CDYL2: variants seen among roughly 807,000 people sequenced by gnomAD.
The protein encoded by CDYL2 is chromodomain Y like 2, also known as chromodomain Y-like protein 2.
CDYL2 carries 23 observed loss-of-function variants against 49.4 expected under a neutral mutation model. The ratio of observed to expected loss-of-function variants is 0.47; its 90% CI spans 0.34 to 0.66. The LOEUF is 0.66. Ranked by LOEUF, CDYL2 falls within the 30% of genes least tolerant of loss-of-function variation. The pLI is 0.01. For missense variants in CDYL2, 678 were observed against 656.4 expected (o/e 1.03, Z -0.36); for synonymous variants, 360 against 268.8 (o/e 1.34, Z -3.32).
At chr16:80,679,537 A>T (rs951659002) in intron 2 of CDYL2, among the ~76,000 whole-genome samples, 4 of 152,210 alleles carry the variant, frequency 2.6e-5, no homozygotes, top group African/African-American at 4.8e-5. Context: ...AAATGGGTAG[A>T]AAAACTACCT....
intron 2 of CDYL2, among the ~76,000 whole-genome samples, chr16:80,659,194 G>A (rs538078430): frequency 3.1e-4 from 47 of 152,202 alleles, no homozygotes; most frequent in Non-Finnish European, 3.1e-4. Context: ...ATCTAACCTT[G>A]AAGAAACATT....
intron 1 of CDYL2, among the ~76,000 whole-genome samples, chr16:80,714,865 T>A (rs1007433478): frequency 2.0e-5 from 3 of 152,182 alleles, no homozygotes; most frequent in Admixed American, 6.5e-5. Flanking sequence ...GGTGAGCATT[T>A]ACAAAGCTCC....
chr16:80,687,104 T>C (rs1206100252), intron 1 of CDYL2, among the ~76,000 whole-genome samples: 2 of 152,174 alleles, frequency 1.3e-5, no homozygotes, highest in Non-Finnish European at 1.5e-5. Context: ...GTGAACATTG[T>C]AGGGAGAAAC....
At chr16:80,664,444 T>A (rs1909176513) in intron 2 of CDYL2, among the ~76,000 whole-genome samples, 2 of 152,196 alleles carry the variant, frequency 1.3e-5, no homozygotes, top group African/African-American at 4.8e-5. Context: ...TGAGTTCGCA[T>A]GCTCAGCTTT....
chr16:80,627,066 A>G (rs990784996), intron 3 of CDYL2, among the ~76,000 whole-genome samples: 38 of 152,106 alleles, frequency 2.5e-4, no homozygotes, highest in Non-Finnish European at 4.9e-4. Context: ...ATTTTGGTGG[A>G]AAAAACAGGG....
intron 2 of CDYL2, among the ~76,000 whole-genome samples, chr16:80,670,585 G>A (rs1348252586): frequency 6.6e-6 from 1 of 152,136 alleles, no homozygotes; most frequent in African/African-American, 2.4e-5. Context: ...CTGACATGGA[G>A]AAGGGAGCGC....
chr16:80,715,478 A>C (rs1038886707), intron 1 of CDYL2, among the ~76,000 whole-genome samples: 14 of 152,186 alleles, frequency 9.2e-5, no homozygotes, highest in African/African-American at 2.9e-4. Context: ...TGTCTTTGCA[A>C]GACATTTACA....
rs2142348684 is a variant in CDYL2, at chr16:80,600,488, T to C, written c.*3900A>G. ...CCCCAAATGGTTTCCCTTAAATATC[T>C]ACAAAGGCAAAGTGTAGATGTTTAA... On this transcript the variant is annotated 3_prime_UTR_variant, in exon 7 of 7. Coordinates refer to ENST00000570137, the MANE Select transcript of CDYL2 (RefSeq NM_152342.4). The C allele has an allele frequency of 6.6e-6, 1 of 152,292 alleles. No homozygotes were observed. Among genetic ancestry groups the C allele is most frequent in the East Asian group, 1.9e-4 (1 of 5,190 alleles). 9.4% of individuals were successfully genotyped at this position (152,292 alleles called of 1,614,324 possible). A position where few individuals can be genotyped will look rare whatever the true frequency, so the allele number is the denominator to read the frequency against.
intron 2 of CDYL2, among the ~76,000 whole-genome samples, chr16:80,634,748 T>C (rs1324704002): frequency 6.6e-6 from 1 of 152,040 alleles, no homozygotes; most frequent in Non-Finnish European, 1.5e-5. Context: ...AGACACAAAC[T>C]TCCAAAATAT....
At chr16:80,721,682 G>T (rs1310663483) in intron 1 of CDYL2, among the ~76,000 whole-genome samples, 1 of 152,150 alleles carries the variant, frequency 6.6e-6, no homozygotes, top group East Asian at 1.9e-4. Flanking sequence ...TCTGTAATCA[G>T]GATTGAAATC....
intron 1 of CDYL2, among the ~76,000 whole-genome samples, chr16:80,709,121 C>T (rs1190933218): frequency 1.3e-5 from 2 of 152,184 alleles, no homozygotes; most frequent in African/African-American, 4.8e-5. Context: ...TGGTGGCTCA[C>T]GCCTATAATC....
At chr16:80,674,999 C>G (rs758690516) in intron 2 of CDYL2, among the ~76,000 whole-genome samples, 1 of 152,130 alleles carries the variant, frequency 6.6e-6, no homozygotes, top group Non-Finnish European at 1.5e-5. Context: ...TGTGTATGTA[C>G]ATGCATACAT....
Position 80,626,275 on chromosome 16 carries a change from TAAAAAAAAAA to T in CDYL2, c.835-5350_835-5341del, listed in dbSNP as rs11358031. ...CTCGGTGACAGAATGAAATCCCATC[TAAAAAAAAAA>T]AAAAAAAAAAAGGAAAAAATTGGTG... On this transcript the variant is annotated intron_variant, in intron 3 of 6. Coordinates refer to ENST00000570137, the MANE Select transcript of CDYL2 (RefSeq NM_152342.4). Among the ~76,000 whole-genome samples the T allele has an allele frequency of 1.6e-4, 15 of 92,294 alleles. 1 individual carries two copies. The highest frequency in any genetic ancestry group is 6.0e-4 in the African/African-American group (15 of 25,054). The allele number at this position is 92,294 out of a possible 152,430, so 60.5% of individuals were successfully genotyped here.
intron 2 of CDYL2, among the ~76,000 whole-genome samples, chr16:80,648,728 A>T (rs1908458860): frequency 6.6e-6 from 1 of 152,096 alleles, no homozygotes; most frequent in African/African-American, 2.4e-5. Flanking sequence ...AGCATCTCTC[A>T]CGAGCACTGA....
At chr16:80,621,763 T>C (rs1470760923) in intron 3 of CDYL2, among the ~76,000 whole-genome samples, 1 of 152,170 alleles carries the variant, frequency 6.6e-6, no homozygotes, top group Non-Finnish European at 1.5e-5. Flanking sequence ...ATGGGACAAG[T>C]TCCCCTAATC....
chr16:80,659,452 G>C (rs1199721490), intron 2 of CDYL2, among the ~76,000 whole-genome samples: 1 of 152,032 alleles, frequency 6.6e-6, no homozygotes, highest in Non-Finnish European at 1.5e-5. Flanking sequence ...AAAATTTCTT[G>C]AATTTCTTAA....
intron 4 of CDYL2, among the ~76,000 whole-genome samples, chr16:80,616,036 G>A (rs981442562): frequency 2.6e-5 from 4 of 152,196 alleles, no homozygotes; most frequent in Non-Finnish European, 5.9e-5. Context: ...AGGCTGACCT[G>A]ACCCACACAG....
intron 3 of CDYL2, among the ~76,000 whole-genome samples, chr16:80,629,298 G>T (rs74767557): frequency 0.096 from 14,636 of 152,266 alleles, 1,154 homozygotes; most frequent in Admixed American, 0.26. Context: ...GCTAATTACA[G>T]CAGTCCAGAC....
At position 80,602,493 on chromosome 16, in the gene CDYL2, G is replaced by C. The variant is rs1395827944; in HGVS notation, c.*1895C>G. On this transcript the variant is annotated 3_prime_UTR_variant, in exon 7 of 7. Coordinates refer to ENST00000570137, the MANE Select transcript of CDYL2 (RefSeq NM_152342.4). ...TTAAAGGACCATGTCTCTAGATCTG[G>C]TGTAGACTATCAACGTGTTCTTTGA... 6.6e-6 allele frequency: 1 copy of C among 152,188 alleles called. No individual in the cohort carries two copies. The highest frequency in any genetic ancestry group is 1.5e-5 in the Non-Finnish European group (1 of 68,030). The allele number at this position is 152,188 out of a possible 1,614,324, so 9.4% of individuals were successfully genotyped here.
Sources: gnomAD v4.1 joint callset for allele counts (sites outside exome capture counted in the v4.1 genomes callset) on GRCh38, gnomAD v4.1.1 for gene constraint, MANE v1.5 for transcripts, NCBI Gene and HGNC (gene_info 2026-07-23, HGNC 2026-07-21) for gene names.